Variants in CDH4 observed in about 807,000 individuals in gnomAD.
CDH4 encodes cadherin-4.
CDH4 carries 33 observed loss-of-function variants against 86.0 expected under a neutral mutation model. The observed-to-expected ratio is 0.38, with a 90% CI of 0.29 to 0.51. The LOEUF (loss-of-function observed/expected upper bound fraction) is 0.51, where lower values mean the gene tolerates loss of function less well. CDH4 is among the 20% of genes least tolerant of loss of function. The pLI is 0.86. For missense variants in CDH4, 1,114 were observed against 1,307.4 expected (o/e 0.85, Z 2.28); for synonymous variants, 555 against 549.4 (o/e 1.01, Z -0.14).
intron 2 of CDH4, among the ~76,000 whole-genome samples, chr20:61,335,418 G>T (rs770177840): frequency 6.6e-6 from 1 of 152,172 alleles, no homozygotes; most frequent in Non-Finnish European, 1.5e-5. Flanking sequence ...GTGATTATTG[G>T]CACCATGAAT....
rs148146042 is a variant in CDH4 at position 61,743,107 on chromosome 20, C to A, written c.170-456C>A. ...GATGCCAGCTCTCTCTTGCTCCTTC[C>A]TTGTACTTAGCCTTCTTGGAGTGGA... On this transcript the variant is annotated intron_variant, in intron 2 of 15. Coordinates refer to ENST00000614565, the MANE Select transcript of CDH4 (RefSeq NM_001794.5). Among the ~76,000 whole-genome samples the A allele has an allele frequency of 1.0e-3, 158 of 152,328 alleles. 4 individuals carry two copies. The East Asian group carries it at 0.029, about 28-fold the overall frequency.
In CDH4 at chr20:61,517,496, A is replaced by G. The variant is rs2427160; in HGVS notation, c.170-226067A>G. On this transcript the variant is annotated intron_variant, in intron 2 of 15. Coordinates refer to ENST00000614565, the MANE Select transcript of CDH4 (RefSeq NM_001794.5). The surrounding 1 kb of genome is among the most constrained non-coding windows in gnomAD (Gnocchi z 6.6). ...AGGTATGAGCCACCATGCCTGGCCT[A>G]TAGACTTTTGTGTCTGGCGGCTTTT... Among the ~76,000 whole-genome samples, 13,527 of 152,230 alleles carry G rather than the reference A, an allele frequency of 0.089. 853 individuals are homozygous for G. The highest frequency in any genetic ancestry group is 0.13 in the Non-Finnish European group (8,675 of 68,012).
chr20:61,319,895 CA>C (rs1174710024), intron 2 of CDH4, among the ~76,000 whole-genome samples: 1 of 150,716 alleles, frequency 6.6e-6, no homozygotes, highest in Non-Finnish European at 1.5e-5. Context: ...GCGAAGGATG[CA>C]GTAAGCCGAG....
At chr20:61,530,068 T>C (rs2085941000) in intron 2 of CDH4, among the ~76,000 whole-genome samples, 1 of 152,158 alleles carries the variant, frequency 6.6e-6, no homozygotes, top group Non-Finnish European at 1.5e-5. Context: ...AGTCTTGCTC[T>C]GTTGCCCAGA....
chr20:61,377,359 C>T lies in CDH4; in HGVS notation c.169+122422C>T, dbSNP rs889540913. 3.3e-5 allele frequency among the ~76,000 whole-genome samples: 5 copies of T among 152,164 alleles called. No homozygotes were observed. In the East Asian group the frequency reaches 5.8e-4, roughly 18 times the overall value. Reference sequence around the variant, plus strand: ...GGTCCCCATTCCATGTCTAAGTGCCCATCGGACGGTTGAGTTGTGTGGTCC... The same window carrying T: ...GGTCCCCATTCCATGTCTAAGTGCCTATCGGACGGTTGAGTTGTGTGGTCC... On this transcript the variant is annotated intron_variant, in intron 2 of 15. Transcript: ENST00000614565. The surrounding 1 kb of genome is among the most constrained non-coding windows in gnomAD (Gnocchi z 4.0).
intron 2 of CDH4, chr20:61,499,519 T>C (rs2085685586): frequency 7.8e-7 from 1 of 1,288,562 alleles, no homozygotes; most frequent in South Asian, 1.2e-5. Context: ...TAGGGGGGCT[T>C]AGGGTTGTTT....
intron 2 of CDH4, among the ~76,000 whole-genome samples, chr20:61,572,146 G>T (rs372640453): frequency 1.3e-5 from 2 of 152,148 alleles, no homozygotes; most frequent in East Asian, 3.9e-4. Context: ...ACTGGCAGCC[G>T]TGGGGATCTG....
chr20:61,383,415 AT>A lies in CDH4; in HGVS notation c.169+128479del, dbSNP rs1223460274. Among the ~76,000 whole-genome samples, 2 of 56,014 alleles carry A rather than the reference AT, an allele frequency of 3.6e-5. 1 individual carries two copies. Among genetic ancestry groups the A allele is most frequent in the African/African-American group, 3.0e-4 (2 of 6,696 alleles). 36.7% of individuals were successfully genotyped at this position (56,014 alleles called of 152,430 possible). ...TATATGATATATATGAATATATATG[AT>A]ATATATGATATATATCATATATGAA... On this transcript the variant is annotated intron_variant, in intron 2 of 15. Coordinates refer to ENST00000614565, the MANE Select transcript of CDH4 (RefSeq NM_001794.5).
intron 2 of CDH4, among the ~76,000 whole-genome samples, chr20:61,380,461 G>A (rs1487620563): frequency 6.6e-6 from 1 of 151,954 alleles, no homozygotes; most frequent in Non-Finnish European, 1.5e-5. Flanking sequence ...GGGTTTGTGT[G>A]AACTCTGATA....
intron 7 of CDH4, among the ~76,000 whole-genome samples, chr20:61,889,833 A>G (rs941247850): frequency 4.1e-5 from 6 of 146,068 alleles, no homozygotes; most frequent in African/African-American, 1.5e-4. Flanking sequence ...GGATGGTTGG[A>G]TGATGGATGG....
intron 2 of CDH4, among the ~76,000 whole-genome samples, chr20:61,693,639 T>C (rs1330970734): frequency 3.3e-5 from 5 of 152,196 alleles, no homozygotes; most frequent in Admixed American, 3.3e-4. Context: ...GTTTATTTAT[T>C]TCCTTGGAAT....
chr20:61,913,953 C>A (rs2054877868), intron 9 of CDH4, among the ~76,000 whole-genome samples: 1 of 152,144 alleles, frequency 6.6e-6, no homozygotes, highest in Non-Finnish European at 1.5e-5. Context: ...CCAGCTCCAC[C>A]CTCTCCTTGT....
At chr20:61,572,049 G>T (rs1442073816) in intron 2 of CDH4, among the ~76,000 whole-genome samples, 1 of 152,100 alleles carries the variant, frequency 6.6e-6, no homozygotes, top group African/African-American at 2.4e-5. Flanking sequence ...TCCCGCGTGA[G>T]TGAGACAGAA....
chr20:61,806,002 AG>A (rs779587455), intron 4 of CDH4, among the ~76,000 whole-genome samples: 7 of 152,162 alleles, frequency 4.6e-5, no homozygotes, highest in Admixed American at 1.3e-4. Flanking sequence ...GCTTGGGGCA[AG>A]GGGAAGGCAG....
chr20:61,470,746 A>G (rs952644679), intron 2 of CDH4, among the ~76,000 whole-genome samples: 1 of 152,086 alleles, frequency 6.6e-6, no homozygotes, highest in Non-Finnish European at 1.5e-5. Flanking sequence ...TTTCTTAATC[A>G]TGAAGGGATG....
At chr20:61,274,630 CGGTGTGCAGTTTGCAGGAG>C (rs2084215410) in intron 2 of CDH4, among the ~76,000 whole-genome samples, 1 of 100,928 alleles carries the variant, frequency 9.9e-6, no homozygotes, top group Admixed American at 1.1e-4. Context: ...TGGAGGAGTA[CGGTGTGCAGTTTGCAGGAG>C]TACCGTGTGC....
At chr20:61,814,972 G>A (rs1389033810) in intron 4 of CDH4, among the ~76,000 whole-genome samples, 2 of 152,188 alleles carry the variant, frequency 1.3e-5, no homozygotes, top group Non-Finnish European at 2.9e-5. Context: ...GCCCGTGTAA[G>A]CATAGGTGCT....
intron 2 of CDH4, among the ~76,000 whole-genome samples, chr20:61,503,222 G>A (rs991549484): frequency 3.9e-5 from 6 of 152,180 alleles, no homozygotes; most frequent in Non-Finnish European, 8.8e-5. Flanking sequence ...GGTCTTTGGG[G>A]AGAGAAGAAG....
chr20:61,643,167 T>G (rs1300054604), intron 2 of CDH4, among the ~76,000 whole-genome samples: 1 of 152,194 alleles, frequency 6.6e-6, no homozygotes, highest in Admixed American at 6.5e-5. Context: ...GTCAGGGCCA[T>G]GCACTGTGTC....
Sources: gnomAD v4.1 joint callset for allele counts (sites outside exome capture counted in the v4.1 genomes callset) on GRCh38, gnomAD v4.1.1 for gene constraint, Gnocchi (gnomAD v3.1) non-coding constraint, MANE v1.5 for transcripts, NCBI Gene and HGNC (gene_info 2026-07-23, HGNC 2026-07-21) for gene names.